The following MOSMO variants were observed in gnomAD, a reference collection of about 807,000 sequenced individuals.
The protein encoded by MOSMO is modulator of smoothened.
A neutral mutation model predicts 18.4 loss-of-function variants in MOSMO; 5 were observed. The ratio of observed to expected loss-of-function variants is 0.27; its 90% CI spans 0.14 to 0.57. MOSMO has a LOEUF of 0.57. MOSMO is among the 20% of genes least tolerant of loss of function. The pLI, the probability that MOSMO is intolerant of heterozygous loss-of-function variation, is 0.92. For synonymous variants in MOSMO, 82 were observed against 82.3 expected, an observed-to-expected ratio of 1.00 and a Z score of 0.02; for missense variants, 138 against 211.8, an observed-to-expected ratio of 0.65 and a Z score of 2.16.
intron 1 of MOSMO, among the ~76,000 whole-genome samples, chr16:22,056,428 A>G (rs1024687805): frequency 7.3e-5 from 9 of 124,036 alleles, no homozygotes; most frequent in East Asian, 2.3e-4. Context: ...CTGGAGTGCA[A>G]TGGCGCGATC....
chr16:22,030,619 C>T (rs1899974631), intron 1 of MOSMO, among the ~76,000 whole-genome samples: 1 of 152,198 alleles, frequency 6.6e-6, no homozygotes, highest in Non-Finnish European at 1.5e-5. Context: ...TCACTGCGAC[C>T]TCTGCCTCCC....
At chr16:22,064,169 C>T (rs1487688107) in intron 1 of MOSMO, among the ~76,000 whole-genome samples, 1 of 152,156 alleles carries the variant, frequency 6.6e-6, no homozygotes, top group Non-Finnish European at 1.5e-5. Context: ...ATTGTCTGCT[C>T]ATTGCTTGCT....
chr16:22,023,420 GATTTA>G (rs1261172879), intron 1 of MOSMO, among the ~76,000 whole-genome samples: 3 of 152,168 alleles, frequency 2.0e-5, no homozygotes, highest in Non-Finnish European at 1.5e-5. Flanking sequence ...CTGTATTGAA[GATTTA>G]ATTATCCTTT....
chr16:22,021,634 C>CA, intron 1 of MOSMO, among the ~76,000 whole-genome samples: 1 of 151,888 alleles, frequency 6.6e-6, no homozygotes, highest in Non-Finnish European at 1.5e-5. Context: ...CCTGTGTCTA[C>CA]AAAAAATACA....
At chr16:22,032,063 G>A (rs548766870) in intron 1 of MOSMO, among the ~76,000 whole-genome samples, 4 of 152,090 alleles carry the variant, frequency 2.6e-5, no homozygotes, top group Non-Finnish European at 5.9e-5. Flanking sequence ...GTATGAAGTA[G>A]TTTCTCTTTT....
At chr16:22,068,708 CTTTTT>C (rs546301695) in intron 1 of MOSMO, among the ~76,000 whole-genome samples, 1 of 151,834 alleles carries the variant, frequency 6.6e-6, no homozygotes, top group Non-Finnish European at 1.5e-5. Context: ...ATTAGTAGTT[CTTTTT>C]TTTAATTGCT....
chr16:22,066,734 G>A (rs1900754999), intron 1 of MOSMO, among the ~76,000 whole-genome samples: 2 of 152,222 alleles, frequency 1.3e-5, no homozygotes, highest in African/African-American at 2.4e-5. Context: ...AATGATTCCA[G>A]GAAGGTTAGT....
At chr16:22,020,702 G>C (rs1899742777) in intron 1 of MOSMO, among the ~76,000 whole-genome samples, 1 of 152,222 alleles carries the variant, frequency 6.6e-6, no homozygotes, top group African/African-American at 2.4e-5. Context: ...CCATGTTGTA[G>C]TTGAAATACT....
At chr16:22,032,347 T>A (rs997639844) in intron 1 of MOSMO, among the ~76,000 whole-genome samples, 1 of 151,994 alleles carries the variant, frequency 6.6e-6, no homozygotes, top group Non-Finnish European at 1.5e-5. Context: ...CATGCCACCA[T>A]GTCCAAGCTA....
At chr16:22,087,851 T>C (rs994458161), downstream of MOSMO, among the ~76,000 whole-genome samples, 1 of 152,180 alleles carries the variant, frequency 6.6e-6, no homozygotes, top group Non-Finnish European at 1.5e-5. Flanking sequence ...CAAATTTTCT[T>C]TTTACAATAA....
At position 22,034,744 on chromosome 16, in the gene MOSMO, G is replaced by GTTT. The variant is rs890874059; in HGVS notation, c.106+26365_106+26367dup. On this transcript the variant is annotated intron_variant, in intron 1 of 2. Transcript: ENST00000542527. ...CTGTTTTTTTTGTTTGTTTTTTTGG[G>GTTT]TTTTTTTTTTTTTTTTTTTTTTTTT... Among the ~76,000 whole-genome samples, 23 of 55,466 alleles carry GTTT rather than the reference G, an allele frequency of 4.1e-4. 1 individual carries two copies. Among genetic ancestry groups the GTTT allele is most frequent in the Admixed American group, 1.0e-3 (5 of 4,976 alleles). The allele number at this position is 55,466 out of a possible 152,430, so 36.4% of individuals were successfully genotyped here.
At chr16:22,047,024 C>T (rs1158457205) in intron 1 of MOSMO, among the ~76,000 whole-genome samples, 1 of 151,992 alleles carries the variant, frequency 6.6e-6, no homozygotes, top group Non-Finnish European at 1.5e-5. Context: ...CTTTTTCACC[C>T]CCTCCTGGCA....
intron 1 of MOSMO, among the ~76,000 whole-genome samples, chr16:22,062,470 A>G (rs1900666168): frequency 1.3e-5 from 2 of 152,050 alleles, no homozygotes; most frequent in South Asian, 4.1e-4. Flanking sequence ...CCACAGGTGC[A>G]CATCACGATG....
At chr16:22,067,697 T>C (rs1900773458) in intron 1 of MOSMO, among the ~76,000 whole-genome samples, 1 of 152,002 alleles carries the variant, frequency 6.6e-6, no homozygotes, top group African/African-American at 2.4e-5. Context: ...TGTTGTTTAG[T>C]AGAGAAACAT....
At chr16:22,050,943 A>G (rs2141745438) in intron 1 of MOSMO, among the ~76,000 whole-genome samples, 1 of 152,124 alleles carries the variant, frequency 6.6e-6, no homozygotes, top group African/African-American at 2.4e-5. Context: ...ACTGTAGAGA[A>G]AACTCAAACT....
At chr16:22,052,090 C>T (rs755489987) in intron 1 of MOSMO, among the ~76,000 whole-genome samples, 39 of 152,054 alleles carry the variant, frequency 2.6e-4, no homozygotes, top group Non-Finnish European at 3.5e-4. Flanking sequence ...ATTTATTCTA[C>T]GGATATAGTT....
At chr16:22,037,098 A>G (rs1900123885) in intron 1 of MOSMO, among the ~76,000 whole-genome samples, 1 of 152,124 alleles carries the variant, frequency 6.6e-6, no homozygotes, top group African/African-American at 2.4e-5. Flanking sequence ...GATGCTGAGA[A>G]AAAGCTAGAC....
At chr16:22,092,006 C>A (rs1231108740), downstream of MOSMO, among the ~76,000 whole-genome samples, 1 of 152,184 alleles carries the variant, frequency 6.6e-6, no homozygotes, top group Non-Finnish European at 1.5e-5. Context: ...AGCAAACAAT[C>A]CAGGTGATTC....
chr16:22,085,572 CAG>C (rs1173067810), downstream of MOSMO: 1 of 152,126 alleles, frequency 6.6e-6, no homozygotes, highest in East Asian at 1.9e-4. Context: ...AAAGGTAACA[CAG>C]TGGCTTTGAA....
Sources: allele counts gnomAD v4.1 joint callset (sites outside exome capture counted in the v4.1 genomes callset), GRCh38; gene constraint gnomAD v4.1.1; transcripts MANE v1.5; gene names NCBI Gene and HGNC (gene_info 2026-07-23, HGNC 2026-07-21).